Variants in MARCHF1 observed in about 807,000 individuals in gnomAD.
The protein encoded by MARCHF1 is E3 ubiquitin-protein ligase MARCHF1.
In MARCHF1, 40 loss-of-function variants were observed where a neutral mutation model predicts 54.2. The observed-to-expected ratio is 0.74, with a 90% confidence interval of 0.57 to 0.96. The LOEUF is 0.96. Ranked by LOEUF, MARCHF1 falls within the 40% of genes least tolerant of loss-of-function variation. The pLI is 0.00. For missense variants in MARCHF1, 586 were observed against 656.5 expected (o/e 0.89, Z 1.17); for synonymous variants, 236 against 236.3 (o/e 1.00, Z 0.01).
intron 2 of MARCHF1, among the ~76,000 whole-genome samples, chr4:164,054,479 T>G (rs539149267): frequency 1.3e-5 from 2 of 152,230 alleles, no homozygotes; most frequent in African/African-American, 4.8e-5. Context: ...TGCACACGTA[T>G]GTTTACTGTG....
intron 1 of MARCHF1, among the ~76,000 whole-genome samples, chr4:164,318,977 T>G (rs1215623654): frequency 1.3e-5 from 2 of 152,218 alleles, no homozygotes; most frequent in Non-Finnish European, 2.9e-5. Flanking sequence ...TGCTTGACAT[T>G]ATAAAATACA....
At chr4:163,748,460 C>T (rs867180072) in intron 4 of MARCHF1, among the ~76,000 whole-genome samples, 3 of 150,644 alleles carry the variant, frequency 2.0e-5, no homozygotes, top group Admixed American at 6.6e-5. Flanking sequence ...AAAGGTATTG[C>T]ATTGAAACTA....
intron 2 of MARCHF1, among the ~76,000 whole-genome samples, chr4:164,006,999 A>AAAAAAAAAAAAAAAAAAAAAAAAAG (rs1753303794): frequency 1.2e-4 from 1 of 8,650 alleles, no homozygotes; most frequent in Non-Finnish European, 2.9e-4. Context: ...TGAAAAAAAA[A>AAAAAAAAAAAAAAAAAAAAAAAAAG]AAAAAAAAAA....
intron 4 of MARCHF1, among the ~76,000 whole-genome samples, chr4:163,715,592 A>G (rs1745232106): frequency 6.6e-6 from 1 of 152,210 alleles, no homozygotes; most frequent in African/African-American, 2.4e-5. Context: ...TCTACCACCC[A>G]GATGCAAAAA....
At chr4:163,997,616 A>T (rs1420720469) in intron 2 of MARCHF1, among the ~76,000 whole-genome samples, 3 of 151,986 alleles carry the variant, frequency 2.0e-5, no homozygotes, top group Non-Finnish European at 2.9e-5. Context: ...TATTGTGTTT[A>T]CTATTTGTAC....
At chr4:163,890,798 C>G (rs10016316) in intron 3 of MARCHF1, among the ~76,000 whole-genome samples, 1 of 152,024 alleles carries the variant, frequency 6.6e-6, no homozygotes, top group African/African-American at 2.4e-5. Flanking sequence ...TTTGACCCAC[C>G]GGAACCCGGC....
intron 1 of MARCHF1, among the ~76,000 whole-genome samples, chr4:164,312,494 T>C (rs1176746019): frequency 6.6e-6 from 1 of 151,800 alleles, no homozygotes; most frequent in Non-Finnish European, 1.5e-5. Flanking sequence ...AGCTAATTTT[T>C]TGTATATTTA....
chr4:163,643,243 G>T (rs1428713600), intron 5 of MARCHF1, among the ~76,000 whole-genome samples: 1 of 151,660 alleles, frequency 6.6e-6, no homozygotes, highest in Non-Finnish European at 1.5e-5. Context: ...CAGGAGAATT[G>T]CTTGAGCCTG....
At chr4:163,694,809 A>G (rs918914309) in intron 5 of MARCHF1, among the ~76,000 whole-genome samples, 2 of 152,126 alleles carry the variant, frequency 1.3e-5, no homozygotes, top group Non-Finnish European at 2.9e-5. Flanking sequence ...AGATCGCCCA[A>G]GGAGTGAGTG....
intron 5 of MARCHF1, among the ~76,000 whole-genome samples, chr4:163,682,650 G>C (rs1744142562): frequency 6.6e-6 from 1 of 152,182 alleles, no homozygotes; most frequent in South Asian, 2.1e-4. Flanking sequence ...CCCAGTGGGA[G>C]GTAATTGAAT....
At chr4:163,922,226 G>C (rs1480887213) in intron 3 of MARCHF1, among the ~76,000 whole-genome samples, 1 of 150,226 alleles carries the variant, frequency 6.7e-6, no homozygotes, top group Non-Finnish European at 1.5e-5. Context: ...GGTGGGGGGA[G>C]TGGGGAGGGA....
intron 2 of MARCHF1, among the ~76,000 whole-genome samples, chr4:164,100,858 A>G (rs947981121): frequency 3.2e-4 from 49 of 152,206 alleles, no homozygotes; most frequent in Non-Finnish European, 2.4e-4. Context: ...TACCGGGTTC[A>G]TCTCACTAGG....
chr4:163,690,239 C>G (rs1744404886), intron 5 of MARCHF1, among the ~76,000 whole-genome samples: 1 of 152,196 alleles, frequency 6.6e-6, no homozygotes, highest in Non-Finnish European at 1.5e-5. Context: ...AAAATATTTT[C>G]AATTAAAATT....
intron 4 of MARCHF1, among the ~76,000 whole-genome samples, chr4:163,818,403 C>T (rs1022443655): frequency 5.9e-5 from 9 of 151,966 alleles, no homozygotes; most frequent in African/African-American, 2.2e-4. Flanking sequence ...AGATTCTGTG[C>T]CTTGTTGATT....
chr4:163,645,469 A>C (rs1039552763), intron 5 of MARCHF1, among the ~76,000 whole-genome samples: 1 of 152,244 alleles, frequency 6.6e-6, no homozygotes, highest in Non-Finnish European at 1.5e-5. Context: ...ACGAAGAACC[A>C]AGCAAACATG....
intron 3 of MARCHF1, among the ~76,000 whole-genome samples, chr4:163,952,692 G>C (rs1052590830): frequency 6.6e-6 from 1 of 152,076 alleles, no homozygotes; most frequent in Non-Finnish European, 1.5e-5. Flanking sequence ...CTTTGAGAAA[G>C]TACAAAAGTC....
intron 1 of MARCHF1, among the ~76,000 whole-genome samples, chr4:164,375,501 T>G (rs909349808): frequency 6.6e-6 from 1 of 152,212 alleles, no homozygotes; most frequent in Non-Finnish European, 1.5e-5. Flanking sequence ...TTAGAAGTTC[T>G]CTAACTTTAA....
In MARCHF1 at chr4:163,894,633, T is replaced by TATATATATGCATGTGATGC. The variant is rs1213220720; in HGVS notation, c.-38-40483_-38-40465dup. ...TATATATATATGCATGTGATGCATA[T>TATATATATGCATGTGATGC]ATATATATGCATGTGATGCATATAT... On this transcript the variant is annotated intron_variant, in intron 3 of 9. Transcript: ENST00000514618. 3.2e-5 allele frequency among the ~76,000 whole-genome samples: 4 copies of TATATATATGCATGTGATGC among 124,546 alleles called. 1 individual carries two copies. The highest frequency in any genetic ancestry group is 8.8e-5 in the African/African-American group (3 of 34,148). 81.7% of individuals were successfully genotyped at this position (124,546 alleles called of 152,430 possible). A position where few individuals can be genotyped will look rare whatever the true frequency, so the allele number is the denominator to read the frequency against.
chr4:164,091,410 T>TTTTATATATATATATATATATATA (rs145149996), intron 2 of MARCHF1, among the ~76,000 whole-genome samples: 4 of 136,924 alleles, frequency 2.9e-5, no homozygotes, highest in African/African-American at 1.1e-4. Flanking sequence ...TCACCAAGTT[T>TTTTATATATATATATATATATATA]TATATATATA....
Sources: gnomAD v4.1 joint callset for allele counts (sites outside exome capture counted in the v4.1 genomes callset) on GRCh38, gnomAD v4.1.1 for gene constraint, MANE v1.5 for transcripts, NCBI Gene and HGNC (gene_info 2026-07-23, HGNC 2026-07-21) for gene names.